Variants in FHOD3 observed in about 807,000 individuals in gnomAD.
FHOD3 encodes FH1/FH2 domain-containing protein 3.
Under a neutral mutation model 173.0 loss-of-function variants are expected in FHOD3, and 90 were observed. The ratio of observed to expected loss-of-function variants is 0.52; its 90% CI spans 0.44 to 0.62. FHOD3 has a LOEUF of 0.62. Among genes scored for constraint, FHOD3 ranks in the 20% least tolerant of loss-of-function variants. FHOD3 has a pLI of 0.00. For missense variants in FHOD3, 1,945 were observed against 2,034.7 expected (o/e 0.96, Z 0.85); for synonymous variants, 828 against 823.0 (o/e 1.01, Z -0.10).
intron 5 of FHOD3, among the ~76,000 whole-genome samples, chr18:36,516,797 T>G (rs1403504865): frequency 6.6e-6 from 1 of 152,156 alleles, no homozygotes; most frequent in East Asian, 1.9e-4. Context: ...AAACCGTAAG[T>G]TGGGTTAATT....
In FHOD3 at chr18:36,718,345, G is replaced by T. The variant is rs770364602; in HGVS notation, c.3047G>T (p.Arg1016Met). 1 of 1,613,112 alleles carries T rather than the reference G, an allele frequency of 6.2e-7. No individual in the cohort carries two copies. Among genetic ancestry groups the T allele is most frequent in the Non-Finnish European group, 8.5e-7 (1 of 1,179,636 alleles). ...IDVLDVDLGH[R>M]EAPGPPPPPP... ...GTCCTAGATGTGGACCTGGGTCACA[G>T]GGAGGCCCCTGGGCCACCTCCCCCA... Residue 1016 changes from arginine to methionine, a missense_variant, in exon 19 of 29, where the codon AGG (arginine) becomes ATG (methionine). Coordinates refer to ENST00000590592, the MANE Select transcript of FHOD3 (RefSeq NM_001281740.3).
rs57041859 is a variant in FHOD3, at chr18:36,716,914, A to ATGTGTGTGTG, written c.2534-888_2534-879dup. Among the ~76,000 whole-genome samples, 945 of 136,884 alleles carry ATGTGTGTGTG rather than the reference A, an allele frequency of 6.9e-3. 16 individuals carry two copies. Among genetic ancestry groups the ATGTGTGTGTG allele is most frequent in the African/African-American group, 0.023 (845 of 37,084 alleles). The allele number at this position is 136,884 out of a possible 152,430, so 89.8% of individuals were successfully genotyped here. ...AAGACGGGGGAAATTATATATGTGT[A>ATGTGTGTGTG]TGTGTGTGTGTGTGTGTGTGTGTGT... is the stretch of plus-strand genomic sequence containing the variant. On this transcript the variant is annotated intron_variant, in intron 18 of 28. Coordinates refer to ENST00000590592, the MANE Select transcript of FHOD3 (RefSeq NM_001281740.3).
chr18:36,618,322 T>TTG (rs2060691425), intron 9 of FHOD3, among the ~76,000 whole-genome samples: 1 of 142,922 alleles, frequency 7.0e-6, no homozygotes, highest in Non-Finnish European at 1.5e-5. Context: ...TTTTTTTTTT[T>TTG]TTTTTTTTTT....
At chr18:36,525,854 C>G (rs1274362342) in intron 5 of FHOD3, among the ~76,000 whole-genome samples, 1 of 152,234 alleles carries the variant, frequency 6.6e-6, no homozygotes, top group Non-Finnish European at 1.5e-5. Flanking sequence ...AAAGGACTCT[C>G]TTCCACACAC....
At chr18:36,341,246 A>G (rs1001707817) in intron 1 of FHOD3, among the ~76,000 whole-genome samples, 1 of 152,180 alleles carries the variant, frequency 6.6e-6, no homozygotes, top group African/African-American at 2.4e-5. Context: ...TGAATAGTAA[A>G]TATTTTTAGC....
intron 6 of FHOD3, among the ~76,000 whole-genome samples, chr18:36,578,041 T>G (rs1217960743): frequency 6.6e-6 from 1 of 152,106 alleles, no homozygotes; most frequent in Non-Finnish European, 1.5e-5. Context: ...CATGGTCAGA[T>G]GGAGTGGGGG....
chr18:36,638,783 G>C (rs545533848), intron 10 of FHOD3, among the ~76,000 whole-genome samples: 1 of 152,236 alleles, frequency 6.6e-6, no homozygotes, highest in African/African-American at 2.4e-5. Flanking sequence ...AGGAAGCGTT[G>C]AGGCATGCAT....
At chr18:36,636,575 T>C (rs2034900082) in intron 10 of FHOD3, among the ~76,000 whole-genome samples, 2 of 151,744 alleles carry the variant, frequency 1.3e-5, no homozygotes, top group Non-Finnish European at 2.9e-5. Context: ...CAGTGAGGAA[T>C]CCAGAGACTA....
At chr18:36,757,989 C>T (rs1229299991) in intron 25 of FHOD3, among the ~76,000 whole-genome samples, 1 of 152,210 alleles carries the variant, frequency 6.6e-6, no homozygotes, top group Non-Finnish European at 1.5e-5. Flanking sequence ...TCAATGCCAG[C>T]TTCCTCTTCT....
intron 8 of FHOD3, among the ~76,000 whole-genome samples, chr18:36,606,061 C>CAGGGAAAG (rs1419832348): frequency 6.6e-6 from 1 of 152,082 alleles, no homozygotes; most frequent in South Asian, 2.1e-4. Flanking sequence ...TTAGGGTGTT[C>CAGGGAAAG]AGGGAAAGCA....
intron 1 of FHOD3, among the ~76,000 whole-genome samples, chr18:36,323,631 G>A (rs1279227555): frequency 3.3e-5 from 5 of 152,174 alleles, no homozygotes; most frequent in Non-Finnish European, 5.9e-5. Context: ...AACTGCCAAG[G>A]CCACAGAAGG....
intron 17 of FHOD3, among the ~76,000 whole-genome samples, chr18:36,705,024 T>G (rs1051799551): frequency 6.6e-6 from 1 of 152,230 alleles, no homozygotes; most frequent in Non-Finnish European, 1.5e-5. Context: ...CGTGGACTCT[T>G]GATTCCACAC....
At chr18:36,750,059 G>A in intron 24 of FHOD3, among the ~76,000 whole-genome samples, 1 of 152,156 alleles carries the variant, frequency 6.6e-6, no homozygotes, top group East Asian at 1.9e-4. Context: ...GGGGGCCAAG[G>A]TGGGTGGATC....
chr18:36,430,643 G>A (rs574090344), intron 3 of FHOD3, among the ~76,000 whole-genome samples: 2 of 152,274 alleles, frequency 1.3e-5, no homozygotes, highest in East Asian at 3.9e-4. Context: ...CAGAAAAGTC[G>A]TGAGCATTTC....
At chr18:36,321,791 A>AG (rs1022684844) in intron 1 of FHOD3, among the ~76,000 whole-genome samples, 11 of 152,080 alleles carry the variant, frequency 7.2e-5, no homozygotes, top group Non-Finnish European at 1.3e-4. Flanking sequence ...GTGAATATGC[A>AG]GGGGGGGCAC....
At chr18:36,776,860 G>A (rs1170559092) in intron 28 of FHOD3, among the ~76,000 whole-genome samples, 3 of 152,172 alleles carry the variant, frequency 2.0e-5, no homozygotes, top group African/African-American at 4.8e-5. Context: ...CTTTAGTTCT[G>A]TTCTCTGAGC....
At position 36,583,939 on chromosome 18, in the gene FHOD3, C is replaced by A. The variant is rs796176557; in HGVS notation, c.606+7394C>A. Among the ~76,000 whole-genome samples, 5 of 152,242 alleles carry A rather than the reference C, an allele frequency of 3.3e-5. No individual in the cohort carries two copies. In the East Asian group the frequency reaches 9.7e-4, roughly 29 times the overall value. On this transcript the variant is annotated intron_variant, in intron 6 of 28. Transcript: ENST00000590592. ...AGCCCAGGCTCAAGCAATCCTCCTA[C>A]CTCAGCCTCCTGAGTAGCTGGGACC...
intron 9 of FHOD3, among the ~76,000 whole-genome samples, chr18:36,615,197 T>A (rs1350865105): frequency 6.6e-6 from 1 of 152,228 alleles, no homozygotes; most frequent in Non-Finnish European, 1.5e-5. Context: ...ATATTCTGGA[T>A]ACTAGACCCT....
intron 1 of FHOD3, among the ~76,000 whole-genome samples, chr18:36,298,361 G>A (rs1279532170): frequency 1.3e-5 from 2 of 152,178 alleles, no homozygotes; most frequent in South Asian, 2.1e-4. Context: ...GCACTCGGGC[G>A]GGCACCAAGC....
Sources: allele counts gnomAD v4.1 joint callset (sites outside exome capture counted in the v4.1 genomes callset), GRCh38; gene constraint gnomAD v4.1.1; transcripts MANE v1.5; gene names NCBI Gene and HGNC (gene_info 2026-07-23, HGNC 2026-07-21).